The following KHDRBS2 variants were observed in gnomAD, a reference collection of about 807,000 sequenced individuals.
KHDRBS2 encodes KH domain-containing, RNA-binding, signal transduction-associated protein 2.
A neutral mutation model predicts 44.3 loss-of-function variants in KHDRBS2; 26 were observed. The ratio of observed to expected loss-of-function variants is 0.59; its 90% CI spans 0.43 to 0.81. The LOEUF (loss-of-function observed/expected upper bound fraction) is 0.81. KHDRBS2 is among the 40% of genes least tolerant of loss of function. The probability of loss-of-function intolerance (pLI) is 0.00; values close to 1 mark genes in which losing one functional copy is unlikely to be tolerated. For synonymous variants in KHDRBS2, 194 were observed against 151.1 expected (o/e 1.28, Z -2.08); for missense variants, 476 against 433.1 (o/e 1.10, Z -0.88).
intron 1 of KHDRBS2, among the ~76,000 whole-genome samples, chr6:62,180,133 C>T (rs1821954535): frequency 1.3e-5 from 2 of 151,858 alleles, no homozygotes; most frequent in South Asian, 2.1e-4. Flanking sequence ...TCCAGAGATC[C>T]AGAACAATGT....
the KHDRBS2 span, among the ~76,000 whole-genome samples, chr6:61,668,664 TC>T: frequency 2.6e-5 from 4 of 151,022 alleles, no homozygotes; most frequent in Admixed American, 2.7e-4. Context: ...GAGAGGTGTA[TC>T]TTTTGTTTTT....
intron 2 of KHDRBS2, among the ~76,000 whole-genome samples, chr6:62,122,411 T>C (rs559415540): frequency 6.6e-5 from 10 of 152,268 alleles, no homozygotes; most frequent in African/African-American, 1.9e-4. Context: ...ATGAACTGGG[T>C]GCTTTCTGAC....
At chr6:62,250,879 T>C (rs774814947) in intron 1 of KHDRBS2, among the ~76,000 whole-genome samples, 35 of 151,976 alleles carry the variant, frequency 2.3e-4, no homozygotes, top group African/African-American at 7.2e-4. Flanking sequence ...AGACAAGTTA[T>C]AGAAAATGTT....
intron 4 of KHDRBS2, among the ~76,000 whole-genome samples, chr6:61,902,712 A>T (rs1583424410): frequency 6.6e-6 from 1 of 152,182 alleles, no homozygotes; most frequent in South Asian, 2.1e-4. Flanking sequence ...GCTAACAGAT[A>T]TGATGTTTGA....
chr6:61,852,058 C>A (rs1357707968), intron 6 of KHDRBS2, among the ~76,000 whole-genome samples: 1 of 151,796 alleles, frequency 6.6e-6, no homozygotes, highest in African/African-American at 2.4e-5. Context: ...CGCATCTCTA[C>A]TAAAATTACA....
At chr6:61,802,154 T>C (rs1295863879) in intron 6 of KHDRBS2, among the ~76,000 whole-genome samples, 1 of 152,064 alleles carries the variant, frequency 6.6e-6, no homozygotes, top group African/African-American at 2.4e-5. Flanking sequence ...AGAAAATGAA[T>C]TCATGACCAC....
At chr6:62,141,877 C>T (rs919584016) in intron 2 of KHDRBS2, among the ~76,000 whole-genome samples, 1 of 152,038 alleles carries the variant, frequency 6.6e-6, no homozygotes, top group African/African-American at 2.4e-5. Flanking sequence ...ATATCTAAAA[C>T]ATATTATCTT....
At chr6:61,892,945 T>C (rs1486789620) in intron 6 of KHDRBS2, among the ~76,000 whole-genome samples, 1 of 151,920 alleles carries the variant, frequency 6.6e-6, no homozygotes, top group African/African-American at 2.4e-5. Context: ...CAAAAGAAAC[T>C]ACCATCAGAG....
intron 3 of KHDRBS2, among the ~76,000 whole-genome samples, chr6:62,000,715 G>A (rs1409849832): frequency 5.3e-5 from 8 of 152,206 alleles, no homozygotes; most frequent in South Asian, 2.1e-4. Context: ...CAGGTGGGCA[G>A]GAAGGTAGAG....
At chr6:61,915,833 C>A (rs1806893023) in intron 4 of KHDRBS2, among the ~76,000 whole-genome samples, 2 of 151,914 alleles carry the variant, frequency 1.3e-5, no homozygotes, top group Admixed American at 1.3e-4. Context: ...TTAGTGGTAG[C>A]AAAGGGCTTT....
At chr6:62,030,913 A>C (rs1050926655) in intron 3 of KHDRBS2, among the ~76,000 whole-genome samples, 2 of 152,142 alleles carry the variant, frequency 1.3e-5, no homozygotes, top group African/African-American at 2.4e-5. Context: ...GAATGAGTAA[A>C]TAAATCGTGG....
chr6:61,598,857 T>TG, the KHDRBS2 span, among the ~76,000 whole-genome samples: 1 of 110,986 alleles, frequency 9.0e-6, no homozygotes, highest in Non-Finnish European at 1.8e-5. Context: ...TTTTTTTTTT[T>TG]TGCACATCAG....
intron 6 of KHDRBS2, among the ~76,000 whole-genome samples, chr6:61,892,649 G>C (rs1296835980): frequency 6.6e-6 from 1 of 152,086 alleles, no homozygotes; most frequent in Non-Finnish European, 1.5e-5. Context: ...CAAGCAATGG[G>C]GAAAGGATTC....
At chr6:61,710,217 G>A (rs1397385291) in intron 7 of KHDRBS2, among the ~76,000 whole-genome samples, 3 of 151,612 alleles carry the variant, frequency 2.0e-5, no homozygotes, top group Admixed American at 6.6e-5. Flanking sequence ...CATTCACCCA[G>A]AAACTCTTGG....
chr6:61,579,216 C>G, the KHDRBS2 span, among the ~76,000 whole-genome samples: 2 of 152,154 alleles, frequency 1.3e-5, no homozygotes, highest in African/African-American at 4.8e-5. Context: ...CTCAGTTCTG[C>G]TCACAGAACT....
At chr6:62,000,092 G>A (rs556693633) in intron 3 of KHDRBS2, among the ~76,000 whole-genome samples, 1 of 152,022 alleles carries the variant, frequency 6.6e-6, no homozygotes, top group African/African-American at 2.4e-5. Context: ...ATCTTTAGGG[G>A]GCCCTCATAC....
intron 1 of KHDRBS2, among the ~76,000 whole-genome samples, chr6:62,238,238 T>C (rs1357971220): frequency 6.6e-6 from 1 of 152,110 alleles, no homozygotes; most frequent in African/African-American, 2.4e-5. Flanking sequence ...TGCATCTTTG[T>C]GTACAGGGTT....
At chr6:61,776,674 T>C (rs1782079041) in intron 6 of KHDRBS2, among the ~76,000 whole-genome samples, 1 of 152,182 alleles carries the variant, frequency 6.6e-6, no homozygotes, top group African/African-American at 2.4e-5. Flanking sequence ...ATAGGAACAC[T>C]TTTACACTGT....
the KHDRBS2 span, among the ~76,000 whole-genome samples, chr6:61,597,965 C>T: frequency 6.8e-6 from 1 of 146,872 alleles, no homozygotes; most frequent in Non-Finnish European, 1.5e-5. Context: ...TGACTTTTGA[C>T]TCTTTTAAAA....
Sources: gnomAD v4.1 joint callset for allele counts (sites outside exome capture counted in the v4.1 genomes callset) on GRCh38, gnomAD v4.1.1 for gene constraint, MANE v1.5 for transcripts, NCBI Gene and HGNC (gene_info 2026-07-23, HGNC 2026-07-21) for gene names.